POLA1: variants seen among roughly 807,000 people sequenced by gnomAD.
The protein encoded by POLA1 is DNA polymerase alpha catalytic subunit.
In POLA1, 15 loss-of-function variants were observed where a neutral mutation model predicts 124.0. The observed-to-expected ratio is 0.12, with a 90% CI of 0.08 to 0.19. The LOEUF (loss-of-function observed/expected upper bound fraction) is 0.19, where lower values mean the gene tolerates loss of function less well. POLA1 is among the 10% of genes least tolerant of loss of function. POLA1 has a pLI of 1.00. For synonymous variants in POLA1, 408 were observed against 389.4 expected (o/e 1.05, Z -0.56); for missense variants, 886 against 1,103.4 (o/e 0.80, Z 2.79).
intron 14 of POLA1, among the ~76,000 whole-genome samples, chrX:24,727,308 TATTC>T (rs1930601799): frequency 9.0e-6 from 1 of 111,442 alleles, no homozygotes; most frequent in Non-Finnish European, 1.9e-5. Flanking sequence ...ATTATGCTGT[TATTC>T]ATATGTACTT....
chrX:24,799,790 A>G (rs988555691), intron 26 of POLA1, among the ~76,000 whole-genome samples: 3 of 111,817 alleles, frequency 2.7e-5, no homozygotes, highest in Non-Finnish European at 5.6e-5. Context: ...AGAAAGTTAC[A>G]TGTAAATCAT....
intron 36 of POLA1, among the ~76,000 whole-genome samples, chrX:24,959,090 G>A (rs1319870717): frequency 1.8e-5 from 2 of 111,051 alleles, no homozygotes; most frequent in Admixed American, 9.6e-5. Context: ...CCAGTCACAG[G>A]CACTCCATAC....
intron 31 of POLA1, among the ~76,000 whole-genome samples, chrX:24,824,997 C>A (rs963807202): frequency 4.5e-5 from 5 of 111,229 alleles, no homozygotes. Flanking sequence ...TAAGGGTAGA[C>A]CAATTTTTCA....
At chrX:24,766,402 T>C (rs189217687) in intron 26 of POLA1, among the ~76,000 whole-genome samples, 1 of 112,082 alleles carries the variant, frequency 8.9e-6, no homozygotes, top group African/African-American at 3.2e-5. Context: ...TCGTTGGTAT[T>C]TGTTGAATTA....
rs1256079995 is a variant in POLA1, at chrX:24,739,512, G to A, written c.2178G>A (p.Arg726=). The part of the protein sequence containing the change: ...ELVQQILKTE[R]VVIPMENIQN... Reference sequence around the variant, plus strand: ...TTCAGCAGATTCTAAAAACTGAAAGGGTTGTAATCCCAATGGAAAATATAC... The same window carrying A: ...TTCAGCAGATTCTAAAAACTGAAAGAGTTGTAATCCCAATGGAAAATATAC... Residue 726 remains arginine, a synonymous_variant, in exon 20 of 37, where the codon AGG becomes AGA. Transcript: ENST00000379068. 2 of 1,185,645 alleles carry A rather than the reference G, an allele frequency of 1.7e-6. No homozygotes were observed. Among genetic ancestry groups the A allele is most frequent in the Admixed American group, 2.2e-5 (1 of 44,951 alleles).
chrX:24,845,808 C>A (rs1247951548), intron 34 of POLA1, among the ~76,000 whole-genome samples: 1 of 112,071 alleles, frequency 8.9e-6, no homozygotes, highest in Non-Finnish European at 1.9e-5. Context: ...ATACTACCCA[C>A]TGGACATAAA....
chrX:24,967,804 C>T (rs751453197), intron 36 of POLA1, among the ~76,000 whole-genome samples: 18 of 111,692 alleles, frequency 1.6e-4, no homozygotes, highest in Non-Finnish European at 3.0e-4. Context: ...CATGTTGATG[C>T]GGACACCACT....
chrX:24,950,240 C>G (rs1489204724), intron 36 of POLA1, among the ~76,000 whole-genome samples: 4 of 112,120 alleles, frequency 3.6e-5, no homozygotes, highest in Non-Finnish European at 7.5e-5. Context: ...GTAACACTGT[C>G]CACCGGAACT....
intron 35 of POLA1, among the ~76,000 whole-genome samples, chrX:24,917,818 G>T (rs1461063420): frequency 8.9e-6 from 1 of 111,867 alleles, no homozygotes; most frequent in Admixed American, 9.5e-5. Flanking sequence ...ACATTGACAA[G>T]AATTAAGTCT....
chrX:24,972,163 G>A (rs2048311633), intron 36 of POLA1, among the ~76,000 whole-genome samples: 2 of 110,497 alleles, frequency 1.8e-5, no homozygotes, highest in Admixed American at 9.7e-5. Flanking sequence ...TAGAGACAGG[G>A]TTTCACCATG....
At chrX:24,873,163 C>T (rs1317473199) in intron 34 of POLA1, among the ~76,000 whole-genome samples, 1 of 111,474 alleles carries the variant, frequency 9.0e-6, no homozygotes, top group Non-Finnish European at 1.9e-5. Flanking sequence ...CTTTCACTGC[C>T]CTAAAAATCC....
At chrX:24,807,266 C>T (rs774548838) in intron 26 of POLA1, among the ~76,000 whole-genome samples, 1 of 112,228 alleles carries the variant, frequency 8.9e-6, no homozygotes, top group Non-Finnish European at 1.9e-5. Context: ...TGACAAACTG[C>T]TCCTCAGGTA....
At chrX:24,887,531 C>T (rs757670147) in intron 34 of POLA1, among the ~76,000 whole-genome samples, 6 of 112,233 alleles carry the variant, frequency 5.3e-5, no homozygotes, top group Admixed American at 9.4e-5. Context: ...ATTGCAACAA[C>T]GGTATACGGT....
intron 26 of POLA1, among the ~76,000 whole-genome samples, chrX:24,753,473 CT>C (rs1174577710): frequency 1.8e-5 from 2 of 110,586 alleles, no homozygotes; most frequent in Non-Finnish European, 3.8e-5. Context: ...TCCCCTCAGC[CT>C]CCCTAGTAGC....
intron 4 of POLA1, among the ~76,000 whole-genome samples, chrX:24,713,598 G>A (rs963276557): frequency 1.8e-5 from 2 of 110,856 alleles, no homozygotes; most frequent in Non-Finnish European, 1.9e-5. Flanking sequence ...TTGTATTTTA[G>A]TAGAGATGGG....
chrX:24,848,837 A>G (rs2046509782), intron 34 of POLA1, among the ~76,000 whole-genome samples: 2 of 112,508 alleles, frequency 1.8e-5, no homozygotes, highest in African/African-American at 6.5e-5. Flanking sequence ...GTAAATCACT[A>G]ACAGGGCTTC....
At chrX:24,971,246 A>G (rs746617849) in intron 36 of POLA1, among the ~76,000 whole-genome samples, 1 of 111,701 alleles carries the variant, frequency 9.0e-6, no homozygotes, top group East Asian at 2.8e-4. Context: ...CCCTCTTCCC[A>G]AAGCTGGGAG....
At chrX:24,800,555 T>C (rs1327268805) in intron 26 of POLA1, among the ~76,000 whole-genome samples, 6 of 112,125 alleles carry the variant, frequency 5.4e-5, no homozygotes, top group Admixed American at 9.5e-5. Context: ...AGCTGTCCAC[T>C]GTCCTGTGTC....
At chrX:24,752,557 G>T (rs1932374504) in intron 26 of POLA1, among the ~76,000 whole-genome samples, 1 of 111,825 alleles carries the variant, frequency 8.9e-6, no homozygotes, top group Non-Finnish European at 1.9e-5. Flanking sequence ...AAGAAAAGGG[G>T]TATCAGTTGT....
Sources: allele counts gnomAD v4.1 joint callset (sites outside exome capture counted in the v4.1 genomes callset), GRCh38; gene constraint gnomAD v4.1.1; transcripts MANE v1.5; gene names NCBI Gene and HGNC (gene_info 2026-07-23, HGNC 2026-07-21).